WLS: variants seen among roughly 807,000 people sequenced by gnomAD.
The protein encoded by WLS is Wnt ligand secretion mediator, also known as protein wntless homolog.
WLS carries 23 observed loss-of-function variants against 62.8 expected under a neutral mutation model. The ratio of observed to expected loss-of-function variants is 0.37; its 90% CI spans 0.26 to 0.52. The LOEUF (loss-of-function observed/expected upper bound fraction) is 0.52, where lower values mean the gene tolerates loss of function less well. Ranked by LOEUF, WLS falls within the 20% of genes least tolerant of loss-of-function variation. The pLI, the probability that WLS is intolerant of heterozygous loss-of-function variation, is 0.92. For missense variants in WLS, 615 were observed against 697.3 expected (o/e 0.88, Z 1.33); for synonymous variants, 246 against 244.1 (o/e 1.01, Z -0.07).
intron 11 of WLS, chr1:68,098,764 C>T: frequency 6.2e-7 from 1 of 1,613,016 alleles, no homozygotes; most frequent in Non-Finnish European, 8.5e-7. Context: ...CTGGAAAATT[C>T]AGTATATTTT....
intron 2 of WLS, among the ~76,000 whole-genome samples, chr1:68,188,142 C>A (rs141651629): frequency 3.9e-5 from 6 of 152,338 alleles, no homozygotes; most frequent in African/African-American, 1.4e-4. Flanking sequence ...AACTGCCTGT[C>A]ATGTAACAGG....
intron 1 of WLS, among the ~76,000 whole-genome samples, chr1:68,207,289 C>T (rs1482745270): frequency 1.3e-5 from 2 of 152,192 alleles, no homozygotes; most frequent in African/African-American, 4.8e-5. Context: ...AACACAAAGA[C>T]ATTCCAATAC....
chr1:68,132,927 T>G (rs1322075200), intron 11 of WLS, among the ~76,000 whole-genome samples: 1 of 152,166 alleles, frequency 6.6e-6, no homozygotes, highest in Non-Finnish European at 1.5e-5. Flanking sequence ...GTGGTATTTT[T>G]GCTCTGAGAA....
In WLS at chr1:68,117,972, G is replaced by GAA. The variant is rs11346016; in HGVS notation, c.1511-19221_1511-19220dup. Reference sequence around the variant, plus strand: ...AAACAAATTCTATATGAATTGATGAGAAAAAAAAAACAGAATTTTTAAAAC... The same window carrying GAA: ...AAACAAATTCTATATGAATTGATGAGAAAAAAAAAAAACAGAATTTTTAAAAC... On this transcript the variant is annotated intron_variant, in intron 11 of 11. Coordinates refer to the WLS transcript ENST00000354777. Among the ~76,000 whole-genome samples the GAA allele has an allele frequency of 6.2e-3, 922 of 149,244 alleles. 4 individuals carry two copies. Among genetic ancestry groups the GAA allele is most frequent in the Non-Finnish European group, 9.8e-3 (657 of 67,190 alleles).
intron 1 of WLS, chr1:68,228,221 A>T (rs1398067751): frequency 2.3e-6 from 1 of 440,014 alleles, no homozygotes; most frequent in Admixed American, 2.7e-5. Flanking sequence ...TGATACTTAC[A>T]GTTTATGTTT....
chr1:68,201,611 G>A (rs1362338127), intron 1 of WLS, among the ~76,000 whole-genome samples: 1 of 152,236 alleles, frequency 6.6e-6, no homozygotes, highest in Non-Finnish European at 1.5e-5. Flanking sequence ...CTATGCCCTT[G>A]TGCATGAAAT....
intron 1 of WLS, among the ~76,000 whole-genome samples, chr1:68,228,723 A>T (rs1425976535): frequency 6.6e-6 from 1 of 151,636 alleles, no homozygotes; most frequent in Non-Finnish European, 1.5e-5. Context: ...CAAAGTTTTT[A>T]AAAAAGCATT....
Position 68,193,709 on chromosome 1 carries a change from T to C in WLS, c.379+246A>G, listed in dbSNP as rs531126132. The C allele has an allele frequency of 5.6e-5, 28 of 499,376 alleles. No homozygotes were observed. In the Admixed American group the frequency reaches 9.9e-4, roughly 18 times the overall value. The allele number at this position is 499,376 out of a possible 1,614,324, so 30.9% of individuals were successfully genotyped here. On this transcript the variant is annotated intron_variant, in intron 2 of 11. Transcript: ENST00000262348. ...TTTCCACTCTCTAGTCTTCAGATCA[T>C]GAGTAACCTCACTGGTGCCCAAGTG...
intron 2 of WLS, among the ~76,000 whole-genome samples, chr1:68,185,159 T>TCATAGGTTGAAAGCTCAGTCC (rs1553133348): frequency 6.6e-6 from 1 of 152,214 alleles, no homozygotes; most frequent in East Asian, 1.9e-4. Context: ...GCATCAAGTC[T>TCATAGGTTGAAAGCTCAGTCC]CATAGGTTGA....
At chr1:68,156,182 C>T (rs1351488570) in intron 3 of WLS, among the ~76,000 whole-genome samples, 1 of 152,048 alleles carries the variant, frequency 6.6e-6, no homozygotes, top group Non-Finnish European at 1.5e-5. Flanking sequence ...TTCAGCAGGC[C>T]GGGACTTTTC....
intron 2 of WLS, chr1:68,183,460 C>A: frequency 2.0e-6 from 1 of 504,270 alleles, no homozygotes; most frequent in South Asian, 1.5e-5. Context: ...AAATCCTCTG[C>A]CCCATTCAGC....
At position 68,207,745 on chromosome 1, in the gene WLS, C is replaced by T. The variant is rs149740128; in HGVS notation, c.107-13518G>A. ...GCAGCTTACCTAGCCTTGTAGAATG[C>T]CAGTTTCCCTTTTGTAAAAGTGTAC... On this transcript the variant is annotated intron_variant, in intron 1 of 11. Coordinates refer to ENST00000262348, the MANE Select transcript of WLS (RefSeq NM_024911.7). Among the ~76,000 whole-genome samples the T allele has an allele frequency of 4.9e-4, 74 of 152,320 alleles. 2 individuals carry two copies. The East Asian group carries it at 5.4e-3, about 11-fold the overall frequency.
At chr1:68,161,447 T>C (rs576978867) in intron 2 of WLS, among the ~76,000 whole-genome samples, 6 of 152,352 alleles carry the variant, frequency 3.9e-5, no homozygotes, top group Admixed American at 3.9e-4. Flanking sequence ...CAGGACCTGC[T>C]GTGCCCAAGG....
At position 68,182,033 on chromosome 1, in the gene WLS, T is replaced by A. The variant is rs12407028; in HGVS notation, c.379+11922A>T. Among the ~76,000 whole-genome samples the A allele has an allele frequency of 2.0e-5, 3 of 151,962 alleles. No homozygotes were observed. The South Asian group carries it at 6.2e-4, about 32-fold the overall frequency. On this transcript the variant is annotated intron_variant, in intron 2 of 11. Coordinates refer to ENST00000262348, the MANE Select transcript of WLS (RefSeq NM_024911.7). Reference sequence around the variant, plus strand: ...AATTTCTGCAAATTATTCAACACCATAGAAGAGTGTTTTGTTAAGACTAGA... The same window carrying A: ...AATTTCTGCAAATTATTCAACACCAAAGAAGAGTGTTTTGTTAAGACTAGA...
intron 11 of WLS, chr1:68,098,804 A>T (rs941615602): frequency 1.8e-5 from 28 of 1,583,786 alleles, no homozygotes; most frequent in Middle Eastern, 1.7e-4. Flanking sequence ...TTTTAAAAAA[A>T]TATGTAACAT....
At chr1:68,143,614 G>A (rs1239015236) in intron 10 of WLS, among the ~76,000 whole-genome samples, 1 of 152,176 alleles carries the variant, frequency 6.6e-6, no homozygotes, top group African/African-American at 2.4e-5. Flanking sequence ...GGAACATGCT[G>A]TACAGGTTTG....
At chr1:68,177,977 T>C (rs1263882373) in intron 2 of WLS, among the ~76,000 whole-genome samples, 2 of 152,218 alleles carry the variant, frequency 1.3e-5, no homozygotes, top group African/African-American at 4.8e-5. Context: ...AAGGGTCTCA[T>C]AATTTATAAG....
At chr1:68,175,541 GCTTA>G (rs1407753440) in intron 2 of WLS, among the ~76,000 whole-genome samples, 3 of 152,160 alleles carry the variant, frequency 2.0e-5, no homozygotes, top group African/African-American at 7.2e-5. Context: ...TGGATCATAG[GCTTA>G]CTAAGATCCT....
chr1:68,129,193 G>T (rs745920049), intron 11 of WLS, among the ~76,000 whole-genome samples: 4 of 152,056 alleles, frequency 2.6e-5, no homozygotes, highest in African/African-American at 9.7e-5. Flanking sequence ...GTGTGGTGGC[G>T]CATGCCTGTA....
Sources: gnomAD v4.1 joint callset for allele counts (sites outside exome capture counted in the v4.1 genomes callset) on GRCh38, gnomAD v4.1.1 for gene constraint, MANE v1.5 for transcripts, NCBI Gene and HGNC (gene_info 2026-07-23, HGNC 2026-07-21) for gene names.